Variants in USP32 observed in about 807,000 individuals in gnomAD.
The protein encoded by USP32 is ubiquitin carboxyl-terminal hydrolase 32.
Under a neutral mutation model 204.8 loss-of-function variants are expected in USP32, and 59 were observed. That is an observed-to-expected ratio of 0.29 (90% CI 0.23 to 0.36). USP32 has a LOEUF of 0.36. Among genes scored for constraint, USP32 ranks in the 10% least tolerant of loss-of-function variants. The probability of loss-of-function intolerance (pLI) is 1.00; values close to 1 mark genes in which losing one functional copy is unlikely to be tolerated. For synonymous variants in USP32, 517 were observed against 678.4 expected (o/e 0.76, Z 3.70); for missense variants, 1,160 against 1,946.4 (o/e 0.60, Z 7.60).
chr17:60,189,981 T>C (rs1351845044), intron 29 of USP32, among the ~76,000 whole-genome samples: 1 of 152,242 alleles, frequency 6.6e-6, no homozygotes. Flanking sequence ...AAAATGCATG[T>C]TGAAATCTGA....
chr17:60,255,534 G>A (rs915471016), intron 9 of USP32, among the ~76,000 whole-genome samples: 4 of 152,004 alleles, frequency 2.6e-5, no homozygotes, highest in African/African-American at 4.8e-5. Flanking sequence ...TCCTGACCTC[G>A]TGATCCATCC....
intron 12 of USP32, among the ~76,000 whole-genome samples, chr17:60,234,116 A>AG (rs1378774457): frequency 4.2e-4 from 59 of 141,804 alleles, no homozygotes; most frequent in Non-Finnish European, 4.7e-4. Context: ...AGCATGACTA[A>AG]TTTTTTTTTT....
At chr17:60,379,823 A>G (rs1214431521) in intron 1 of USP32, among the ~76,000 whole-genome samples, 1 of 152,240 alleles carries the variant, frequency 6.6e-6, no homozygotes, top group Non-Finnish European at 1.5e-5. Context: ...AAATAGCAAC[A>G]TATCACAATC....
intron 1 of USP32, among the ~76,000 whole-genome samples, chr17:60,360,707 C>T (rs1027520838): frequency 5.3e-5 from 8 of 151,878 alleles, no homozygotes; most frequent in Admixed American, 2.0e-4. Context: ...TAAAACTATA[C>T]AAAATACATG....
At chr17:60,237,245 A>G (rs760365245) in intron 11 of USP32, among the ~76,000 whole-genome samples, 7 of 151,550 alleles carry the variant, frequency 4.6e-5, no homozygotes, top group Admixed American at 1.3e-4. Context: ...GGCTCAAGCA[A>G]TCCTCCTGCC....
intron 13 of USP32, among the ~76,000 whole-genome samples, chr17:60,224,997 CA>C (rs2085346954): frequency 1.3e-5 from 2 of 152,282 alleles, no homozygotes; most frequent in Admixed American, 1.3e-4. Context: ...AAATAATCTC[CA>C]TATTTTGGCC....
chr17:60,405,837 G>A (rs1001886926), intron 1 of USP32, among the ~76,000 whole-genome samples: 1 of 152,010 alleles, frequency 6.6e-6, no homozygotes, highest in Non-Finnish European at 1.5e-5. Context: ...CGTAACCATC[G>A]TGCATAGAAT....
chr17:60,381,195 T>C (rs2089640981), intron 1 of USP32, among the ~76,000 whole-genome samples: 2 of 152,098 alleles, frequency 1.3e-5, no homozygotes, highest in South Asian at 4.2e-4. Flanking sequence ...TCCCAGCACT[T>C]TGAGAGGTCA....
intron 1 of USP32, among the ~76,000 whole-genome samples, chr17:60,391,035 CA>C (rs2089825161): frequency 6.6e-6 from 1 of 152,132 alleles, no homozygotes; most frequent in Admixed American, 6.5e-5. Flanking sequence ...TTGGGGCTGC[CA>C]ACAATATACT....
intron 1 of USP32, chr17:60,422,029 C>G: frequency 1.1e-6 from 1 of 875,398 alleles, no homozygotes; most frequent in Non-Finnish European, 1.4e-6. Context: ...GCACCCAGCA[C>G]CCAGCACGGA....
intron 5 of USP32, among the ~76,000 whole-genome samples, chr17:60,281,531 G>A (rs1567824710): frequency 6.8e-6 from 1 of 146,438 alleles, no homozygotes; most frequent in African/African-American, 2.6e-5. Context: ...GTGAGACTCC[G>A]TCTCAAAAAA....
chr17:60,365,012 A>G (rs970884997), intron 1 of USP32, among the ~76,000 whole-genome samples: 2 of 152,370 alleles, frequency 1.3e-5, no homozygotes, highest in East Asian at 3.9e-4. Flanking sequence ...ATCTAAACCC[A>G]TAATACTCAA....
chr17:60,260,506 A>G (rs548163449), intron 9 of USP32, among the ~76,000 whole-genome samples: 1 of 149,530 alleles, frequency 6.7e-6, no homozygotes, highest in East Asian at 1.9e-4. Flanking sequence ...CTGGGTGACA[A>G]GAGCAAGACT....
chr17:60,336,790 T>C (rs1598261103), intron 2 of USP32, among the ~76,000 whole-genome samples: 2 of 151,766 alleles, frequency 1.3e-5, no homozygotes, highest in South Asian at 4.2e-4. Context: ...TGTTACACTA[T>C]GAACAAAAAG....
chr17:60,218,266 C>T (rs2085155041), intron 16 of USP32, among the ~76,000 whole-genome samples: 1 of 151,894 alleles, frequency 6.6e-6, no homozygotes, highest in Non-Finnish European at 1.5e-5. Flanking sequence ...CGCCTGTAGT[C>T]CCAGCTACTC....
chr17:60,352,419 A>G (rs1361314045), intron 1 of USP32, among the ~76,000 whole-genome samples: 1 of 152,220 alleles, frequency 6.6e-6, no homozygotes, highest in African/African-American at 2.4e-5. Flanking sequence ...CTAGATGACC[A>G]TGGAACTGCC....
chr17:60,400,113 C>T (rs946925078), intron 1 of USP32, among the ~76,000 whole-genome samples: 11 of 151,976 alleles, frequency 7.2e-5, no homozygotes, highest in Middle Eastern at 3.2e-3. Flanking sequence ...TATAGGCATG[C>T]GCCACCATGC....
At chr17:60,338,601 G>A (rs575583685) in intron 2 of USP32, among the ~76,000 whole-genome samples, 42 of 152,084 alleles carry the variant, frequency 2.8e-4, no homozygotes, top group African/African-American at 9.6e-4. Flanking sequence ...GTGGTGACAC[G>A]CACCTGTATT....
intron 12 of USP32, among the ~76,000 whole-genome samples, chr17:60,227,207 G>A (rs1374193297): frequency 1.8e-4 from 27 of 151,356 alleles, no homozygotes; most frequent in Admixed American, 1.8e-3. Context: ...ACTATTAGCT[G>A]GAATTTAATA....
Sources: gnomAD v4.1 joint callset for allele counts (sites outside exome capture counted in the v4.1 genomes callset) on GRCh38, gnomAD v4.1.1 for gene constraint, MANE v1.5 for transcripts, NCBI Gene and HGNC (gene_info 2026-07-23, HGNC 2026-07-21) for gene names.